Variants in CTNNA2 observed in about 807,000 individuals in gnomAD.
CTNNA2 encodes the protein catenin alpha-2.
CTNNA2 carries 42 observed loss-of-function variants against 101.0 expected under a neutral mutation model. That is an observed-to-expected ratio of 0.42 (90% CI 0.32 to 0.54). The LOEUF (loss-of-function observed/expected upper bound fraction) is 0.54. CTNNA2 is among the 20% of genes least tolerant of loss of function. The pLI is 0.14. For missense variants in CTNNA2, 871 were observed against 1,223.1 expected (o/e 0.71, Z 4.29); for synonymous variants, 450 against 456.4 (o/e 0.99, Z 0.18).
chr2:80,610,682 CAGAG>C (rs1698390816), intron 17 of CTNNA2, among the ~76,000 whole-genome samples: 1 of 151,628 alleles, frequency 6.6e-6, no homozygotes, highest in African/African-American at 2.4e-5. Flanking sequence ...GATGTCAAAA[CAGAG>C]AGCCACGTTT....
At position 80,574,326 on chromosome 2, in the gene CTNNA2, C is replaced by T. The variant is rs760813018; in HGVS notation, c.1893+12C>T. ...TGCTGATGATCAGGGTATGTGAGGC[C>T]TCTGTAGCTCAGAGCTGGTCAGATC... On this transcript the variant is annotated intron_variant, in intron 13 of 18. Transcript: ENST00000402739. 3.8e-6 allele frequency: 6 copies of T among 1,598,474 alleles called. No homozygotes were observed. Among genetic ancestry groups the T allele is most frequent in the Non-Finnish European group, 5.1e-6 (6 of 1,168,616 alleles).
At chr2:80,570,786 T>G (rs555136985) in intron 12 of CTNNA2, among the ~76,000 whole-genome samples, 2 of 152,294 alleles carry the variant, frequency 1.3e-5, no homozygotes, top group South Asian at 2.1e-4. Flanking sequence ...CTGCCACTTC[T>G]GACAACCCCA....
At chr2:79,363,465 T>G (rs796596388) in intron 3 of CTNNA2, among the ~76,000 whole-genome samples, 24 of 152,290 alleles carry the variant, frequency 1.6e-4, no homozygotes, top group African/African-American at 5.8e-4. Flanking sequence ...TTGGTTGTTT[T>G]GAGAAATAAT....
chr2:79,748,994 G>A (rs541822068), intron 3 of CTNNA2, among the ~76,000 whole-genome samples: 2 of 152,226 alleles, frequency 1.3e-5, no homozygotes, highest in Admixed American at 1.3e-4. Context: ...TACCTACGGG[G>A]GAGAAGTCTA....
intron 7 of CTNNA2, among the ~76,000 whole-genome samples, chr2:80,348,227 G>A (rs1672955490): frequency 6.6e-6 from 1 of 152,116 alleles, no homozygotes; most frequent in African/African-American, 2.4e-5. Context: ...AGACAAGTAA[G>A]TTATCTATTT....
intron 8 of CTNNA2, among the ~76,000 whole-genome samples, chr2:80,414,913 G>T (rs550282606): frequency 6.6e-6 from 1 of 152,160 alleles, no homozygotes; most frequent in African/African-American, 2.4e-5. Context: ...GTTAAAAGCA[G>T]GTCTGGATGG....
intron 7 of CTNNA2, among the ~76,000 whole-genome samples, chr2:80,122,358 C>A (rs572361135): frequency 6.6e-6 from 1 of 151,030 alleles, no homozygotes; most frequent in Non-Finnish European, 1.5e-5. Flanking sequence ...CTCTCTCCCC[C>A]CTTCCTTTTT....
intron 3 of CTNNA2, among the ~76,000 whole-genome samples, chr2:79,329,308 A>C (rs1414570542): frequency 6.6e-6 from 1 of 152,108 alleles, no homozygotes; most frequent in Non-Finnish European, 1.5e-5. Context: ...CATGCTTACT[A>C]TCTCAACCCC....
chr2:80,187,984 T>A (rs1706242282), intron 7 of CTNNA2, among the ~76,000 whole-genome samples: 2 of 152,198 alleles, frequency 1.3e-5, no homozygotes, highest in Admixed American at 6.5e-5. Context: ...GTTTACAGGA[T>A]GTCCTGGTGT....
At position 80,432,394 on chromosome 2, in the gene CTNNA2, GT is replaced by G. The variant is rs551331252; in HGVS notation, c.1290+12796del. 2.3e-4 allele frequency among the ~76,000 whole-genome samples: 35 copies of G among 152,252 alleles called. No individual in the cohort carries two copies. The East Asian group carries it at 6.4e-3, about 28-fold the overall frequency. Reference sequence around the variant, plus strand: ...TAATGTAAAAATCTAAGTAAATACTGTTTGTAATACAAATGCACCTTTTGAA... The same window carrying G: ...TAATGTAAAAATCTAAGTAAATACTGTTGTAATACAAATGCACCTTTTGAA... On this transcript the variant is annotated intron_variant, in intron 9 of 18. Transcript: ENST00000402739.
At chr2:80,354,886 A>G (rs576297489) in intron 7 of CTNNA2, among the ~76,000 whole-genome samples, 8 of 152,254 alleles carry the variant, frequency 5.3e-5, no homozygotes, top group African/African-American at 1.9e-4. Context: ...GTGCTGGGTC[A>G]GGGATTGTTG....
At chr2:79,206,511 G>GAATA (rs1183069101) in intron 2 of CTNNA2, among the ~76,000 whole-genome samples, 1 of 152,046 alleles carries the variant, frequency 6.6e-6, no homozygotes, top group Admixed American at 6.6e-5. Context: ...CCTCACACTT[G>GAATA]GAGCTTCTAA....
At chr2:79,572,086 T>C (rs1675493535) in intron 1 of CTNNA2, among the ~76,000 whole-genome samples, 2 of 152,178 alleles carry the variant, frequency 1.3e-5, no homozygotes, top group Admixed American at 6.5e-5. Context: ...ATCTTTTGTA[T>C]TGACGTTTAA....
Position 80,303,183 on chromosome 2 carries a change from C to T in CTNNA2, c.1057-90028C>T, listed in dbSNP as rs777137830. The T allele has an allele frequency of 6.2e-7, 1 of 1,614,024 alleles. No homozygotes were observed. ...AAGTCGTTGTGCTCGAGGTGCAGCTCGGTGAGCTTAAACAAGCCGGCGAAA... is the reference window on the plus strand; with the variant it reads ...AAGTCGTTGTGCTCGAGGTGCAGCTTGGTGAGCTTAAACAAGCCGGCGAAA... On this transcript the variant is annotated intron_variant, in intron 7 of 18. Transcript: ENST00000402739. This position sits in a 1 kb window ranked among gnomAD's most constrained non-coding sequence, Gnocchi z 7.7.
At chr2:80,135,342 T>C (rs1368459649) in intron 7 of CTNNA2, among the ~76,000 whole-genome samples, 1 of 152,154 alleles carries the variant, frequency 6.6e-6, no homozygotes, top group Non-Finnish European at 1.5e-5. Context: ...GGCCTGAAAC[T>C]CATGGGGAGC....
In CTNNA2 at chr2:79,187,980, T is replaced by A. The variant is rs572152179; in HGVS notation, c.-524+2549T>A. 3.3e-5 allele frequency among the ~76,000 whole-genome samples: 5 copies of A among 152,280 alleles called. No homozygotes were observed. In the East Asian group the frequency reaches 9.6e-4, roughly 29 times the overall value. ...TAGCCTCAGACTTAAAAGGACTTAG[T>A]TAATCAAGATCATAAGCCCAGTTAA... On this transcript the variant is annotated intron_variant, in intron 1 of 21. Coordinates refer to the CTNNA2 transcript ENST00000466387.
At chr2:79,271,605 C>A (rs1450712903) in intron 2 of CTNNA2, among the ~76,000 whole-genome samples, 1 of 151,922 alleles carries the variant, frequency 6.6e-6, no homozygotes, top group Non-Finnish European at 1.5e-5. Context: ...GAGGATCATA[C>A]CAGTGGGTGG....
At position 79,286,660 on chromosome 2, in the gene CTNNA2, G is replaced by A. The variant is rs1016045440; in HGVS notation, c.-405-26049G>A. The stretch of plus-strand genomic sequence containing the variant: ...ATGGGCTTCCCTTTGAGGGTATCCC[G>A]ACCTTTCTCTCTGGCCGCCCTTAAC... On this transcript the variant is annotated intron_variant, in intron 2 of 21. Transcript: ENST00000466387. Among the ~76,000 whole-genome samples the A allele has an allele frequency of 2.6e-5, 4 of 152,222 alleles. No homozygotes were observed. In the East Asian group the frequency reaches 7.8e-4, roughly 30 times the overall value.
intron 2 of CTNNA2, among the ~76,000 whole-genome samples, chr2:79,302,721 G>A (rs1676142076): frequency 6.6e-6 from 1 of 152,114 alleles, no homozygotes; most frequent in Non-Finnish European, 1.5e-5. Context: ...AATATGAATT[G>A]AGTGTCTATT....
Sources: gnomAD v4.1 joint callset for allele counts (sites outside exome capture counted in the v4.1 genomes callset) on GRCh38, gnomAD v4.1.1 for gene constraint, Gnocchi (gnomAD v3.1) non-coding constraint, MANE v1.5 for transcripts, NCBI Gene and HGNC (gene_info 2026-07-23, HGNC 2026-07-21) for gene names.